The following TES variants were observed in gnomAD, a reference collection of about 807,000 sequenced individuals.
TES encodes testin.
In TES, 41 loss-of-function variants were observed where a neutral mutation model predicts 48.2. The ratio of observed to expected loss-of-function variants is 0.85; its 90% CI spans 0.66 to 1.10. The LOEUF (loss-of-function observed/expected upper bound fraction) is 1.10, where lower values mean the gene tolerates loss of function less well. Ranked by LOEUF, TES falls within the 50% of genes least tolerant of loss-of-function variation. The pLI is 0.00. For missense variants in TES, 463 were observed against 515.1 expected (o/e 0.90, Z 0.98); for synonymous variants, 162 against 174.9 (o/e 0.93, Z 0.58).
intron 4 of TES, chr7:116,251,509 C>T (rs1167530746): frequency 4.8e-5 from 19 of 398,854 alleles, no homozygotes; most frequent in Non-Finnish European, 7.6e-5. Context: ...GGTGAAACCC[C>T]GTCTCTACTA....
chr7:116,246,946 CCTT>C (rs1398398449), intron 2 of TES, among the ~76,000 whole-genome samples: 8 of 131,046 alleles, frequency 6.1e-5, no homozygotes, highest in African/African-American at 1.5e-4. Context: ...AGACTAGGCC[CCTT>C]TTTTTTTTTT....
In TES at chr7:116,237,683, C is replaced by T. The variant is rs576454131; in HGVS notation, c.113+3064C>T. ...GCTGCCATAACAAAATATCACATACCTGGTAGTTTAAACAGAAATGTACTT... is the reference window on the plus strand; with the variant it reads ...GCTGCCATAACAAAATATCACATACTTGGTAGTTTAAACAGAAATGTACTT... On this transcript the variant is annotated intron_variant, in intron 2 of 6. Transcript: ENST00000358204. Among the ~76,000 whole-genome samples the T allele has an allele frequency of 1.2e-4, 18 of 152,248 alleles. No individual in the cohort carries two copies. The South Asian group carries it at 3.5e-3, about 30-fold the overall frequency.
intron 2 of TES, among the ~76,000 whole-genome samples, chr7:116,240,284 C>T (rs757991003): frequency 3.9e-5 from 6 of 152,080 alleles, no homozygotes; most frequent in Admixed American, 6.6e-5. Context: ...CTACTGCTTG[C>T]CTTGGAAAAA....
At chr7:116,235,724 C>A (rs1799761652) in intron 2 of TES, among the ~76,000 whole-genome samples, 1 of 152,106 alleles carries the variant, frequency 6.6e-6, no homozygotes, top group East Asian at 1.9e-4. Context: ...TGGCAGCTAC[C>A]TTGTTAGGAT....
At chr7:116,238,744 C>T (rs1399206655) in intron 2 of TES, among the ~76,000 whole-genome samples, 6 of 151,926 alleles carry the variant, frequency 3.9e-5, no homozygotes, top group Admixed American at 3.3e-4. Flanking sequence ...GGATTACAGG[C>T]GCCCGCCACC....
chr7:116,243,008 ACT>A (rs1799870032), intron 2 of TES, among the ~76,000 whole-genome samples: 1 of 151,476 alleles, frequency 6.6e-6, no homozygotes, highest in African/African-American at 2.4e-5. Flanking sequence ...TCCTCTAGGA[ACT>A]CTTTCTAGAA....
intron 1 of TES, among the ~76,000 whole-genome samples, chr7:116,213,563 CT>C (rs1479070527): frequency 6.6e-6 from 1 of 152,194 alleles, no homozygotes; most frequent in Non-Finnish European, 1.5e-5. Context: ...AAAAGGAAAG[CT>C]CGTCCACATC....
chr7:116,224,141 T>G (rs1799591578), intron 1 of TES, among the ~76,000 whole-genome samples: 1 of 152,222 alleles, frequency 6.6e-6, no homozygotes, highest in Admixed American at 6.5e-5. Context: ...CAGGCCCATG[T>G]GAGAAATCTT....
intron 2 of TES, 73 bp from the exon 3 acceptor site, chr7:116,248,947 G>A: frequency 7.0e-7 from 1 of 1,425,720 alleles, no homozygotes; most frequent in Non-Finnish European, 9.3e-7. Context: ...AGTATTTTAT[G>A]AACTATAAAT....
intron 6 of TES, among the ~76,000 whole-genome samples, chr7:116,254,324 C>CTT (rs113717808): frequency 7.0e-4 from 106 of 151,564 alleles, no homozygotes; most frequent in African/African-American, 1.6e-3. Context: ...GCTTTTTTTT[C>CTT]TTTTTTTAGC....
In TES at chr7:116,210,696, G is replaced by C. The variant is rs777599569; in HGVS notation, c.-12G>C. 7.8e-7 allele frequency: 1 copy of C among 1,285,620 alleles called. No homozygotes were observed. Among genetic ancestry groups the C allele is most frequent in the South Asian group, 2.8e-5 (1 of 35,910 alleles). The allele number at this position is 1,285,620 out of a possible 1,614,324, so 79.6% of individuals were successfully genotyped here. ...GGATAGGAGGAGGAGGGGACCCATA[G>C]GACGCGTTAACATGGACCTGGAAAA... On this transcript the variant is annotated 5_prime_UTR_variant, in exon 1 of 7. Transcript: ENST00000358204.
intron 6 of TES, among the ~76,000 whole-genome samples, chr7:116,256,864 T>C (rs562325478): frequency 6.6e-6 from 1 of 152,246 alleles, no homozygotes; most frequent in Non-Finnish European, 1.5e-5. Context: ...GTCTAGAAAT[T>C]AGTGGTGTTA....
chr7:116,257,068 A>C (rs751658722), intron 6 of TES, among the ~76,000 whole-genome samples: 4 of 152,246 alleles, frequency 2.6e-5, no homozygotes, highest in African/African-American at 4.8e-5. Flanking sequence ...TACATGCATC[A>C]AATCACCTGT....
At chr7:116,254,625 A>T (rs1053451404) in intron 6 of TES, among the ~76,000 whole-genome samples, 3 of 152,066 alleles carry the variant, frequency 2.0e-5, no homozygotes, top group Non-Finnish European at 4.4e-5. Flanking sequence ...AATTCCAGCT[A>T]CTTGGGAGGC....
intron 2 of TES, among the ~76,000 whole-genome samples, chr7:116,245,643 G>A (rs925160113): frequency 2.6e-5 from 4 of 152,102 alleles, no homozygotes; most frequent in African/African-American, 9.7e-5. Context: ...CTATTACCCA[G>A]TTCCAAAATC....
At chr7:116,239,884 A>T (rs58249911) in intron 2 of TES, among the ~76,000 whole-genome samples, 18,193 of 152,196 alleles carry the variant, frequency 0.12, 1,077 homozygotes, top group South Asian at 0.19. Flanking sequence ...GTTTATAGCC[A>T]GTTATTTCAC....
intron 6 of TES, among the ~76,000 whole-genome samples, chr7:116,254,315 CT>C (rs922719310): frequency 9.0e-5 from 12 of 133,126 alleles, no homozygotes; most frequent in Non-Finnish European, 1.6e-4. Context: ...GATGAAACTG[CT>C]TTTTTTTCTT....
rs189455984 is a variant in TES, at chr7:116,254,932, T to C, written c.1078-2362T>C. On this transcript the variant is annotated intron_variant, in intron 6 of 6. Transcript: ENST00000358204. ...AAAGAGAGCTACCCACACAGCATGCTACATTATATAAAATTTGGAGAAGGT... is the reference window on the plus strand; with the variant it reads ...AAAGAGAGCTACCCACACAGCATGCCACATTATATAAAATTTGGAGAAGGT... 1.1e-4 allele frequency among the ~76,000 whole-genome samples: 16 copies of C among 152,218 alleles called. No homozygotes were observed. In the East Asian group the frequency reaches 3.1e-3, roughly 29 times the overall value.
At chr7:116,242,553 A>G (rs1223399285) in intron 2 of TES, among the ~76,000 whole-genome samples, 1 of 151,866 alleles carries the variant, frequency 6.6e-6, no homozygotes, top group Non-Finnish European at 1.5e-5. Flanking sequence ...CTGTCTCGGA[A>G]TATACAAGTC....
Sources: allele counts gnomAD v4.1 joint callset (sites outside exome capture counted in the v4.1 genomes callset), GRCh38; gene constraint gnomAD v4.1.1; transcripts MANE v1.5; gene names NCBI Gene and HGNC (gene_info 2026-07-23, HGNC 2026-07-21).